Variants in FBXW7 observed in about 807,000 individuals in gnomAD.
FBXW7 encodes the protein F-box/WD repeat-containing protein 7.
In FBXW7, 11 loss-of-function variants were observed where a neutral mutation model predicts 86.3. The ratio of observed to expected loss-of-function variants is 0.13; its 90% CI spans 0.08 to 0.21. FBXW7 has a LOEUF of 0.21. Among genes scored for constraint, FBXW7 ranks in the 10% least tolerant of loss-of-function variants. The pLI is 1.00. For missense variants in FBXW7, 488 were observed against 847.4 expected (o/e 0.58, Z 5.27); for synonymous variants, 313 against 297.9 (o/e 1.05, Z -0.52).
rs926732396 is a variant in FBXW7 at position 152,509,269 on chromosome 4, A to C, written c.-120+25672T>G. 2.6e-5 allele frequency among the ~76,000 whole-genome samples: 4 copies of C among 152,158 alleles called. No individual in the cohort carries two copies. The East Asian group carries it at 7.7e-4, about 29-fold the overall frequency. On this transcript the variant is annotated intron_variant, in intron 2 of 13. Transcript: ENST00000281708. ...TGAATGTTAATCTCCTGATTTTGAT[A>C]ATTTTTCTGTCACTGCATAAGATGT... is the stretch of plus-strand genomic sequence containing the variant.
chr4:152,452,012 T>C (rs1452318425), intron 2 of FBXW7, among the ~76,000 whole-genome samples: 1 of 152,142 alleles, frequency 6.6e-6, no homozygotes, highest in Non-Finnish European at 1.5e-5. Context: ...TTTTTTACTC[T>C]GTCTCTTGAG....
chr4:152,514,227 A>C (rs1748250747), intron 2 of FBXW7, among the ~76,000 whole-genome samples: 1 of 152,106 alleles, frequency 6.6e-6, no homozygotes, highest in African/African-American at 2.4e-5. Context: ...CTTTTTAAGG[A>C]CTTCATTTGA....
intron 4 of FBXW7, among the ~76,000 whole-genome samples, chr4:152,373,826 G>A (rs1477947490): frequency 6.6e-6 from 1 of 152,020 alleles, no homozygotes; most frequent in Non-Finnish European, 1.5e-5. Context: ...GCATGGGCAT[G>A]GGGGATCATC....
At chr4:152,479,475 G>A (rs1231075590) in intron 2 of FBXW7, among the ~76,000 whole-genome samples, 2 of 151,936 alleles carry the variant, frequency 1.3e-5, no homozygotes, top group South Asian at 2.1e-4. Flanking sequence ...ATAGTCTCTC[G>A]CACACACACA....
intron 2 of FBXW7, among the ~76,000 whole-genome samples, chr4:152,529,242 A>G (rs751331737): frequency 6.6e-6 from 1 of 152,186 alleles, no homozygotes; most frequent in Non-Finnish European, 1.5e-5. Context: ...GACAAAAATT[A>G]AAAGATTTTT....
intron 2 of FBXW7, chr4:152,530,399 T>C (rs1056029137): frequency 1.3e-5 from 2 of 152,184 alleles, no homozygotes; most frequent in African/African-American, 4.8e-5. Flanking sequence ...TTTACATTTA[T>C]TTTCAGAAGG....
intron 2 of FBXW7, among the ~76,000 whole-genome samples, chr4:152,443,977 C>G (rs1367222591): frequency 6.6e-6 from 1 of 152,124 alleles, no homozygotes; most frequent in Non-Finnish European, 1.5e-5. Context: ...GAGATAATCA[C>G]TTTATAAATT....
chr4:152,375,719 G>A (rs984711216), intron 4 of FBXW7, among the ~76,000 whole-genome samples: 3 of 151,988 alleles, frequency 2.0e-5, no homozygotes, highest in Non-Finnish European at 4.4e-5. Flanking sequence ...TTTGCCATAA[G>A]AATAAATGTG....
intron 6 of FBXW7, 130 bp downstream of exon 6, chr4:152,346,800 G>T: frequency 1.6e-6 from 2 of 1,250,782 alleles, no homozygotes; most frequent in Non-Finnish European, 2.2e-6. Context: ...CTTTCACTTG[G>T]CAGAATGATT....
At chr4:152,409,624 T>C (rs1042174459) in intron 4 of FBXW7, among the ~76,000 whole-genome samples, 14 of 152,178 alleles carry the variant, frequency 9.2e-5, no homozygotes, top group Non-Finnish European at 1.8e-4. Flanking sequence ...GGCAATCAAA[T>C]AGCTTTGTAT....
At chr4:152,497,248 G>A (rs553679527) in intron 2 of FBXW7, among the ~76,000 whole-genome samples, 4 of 150,006 alleles carry the variant, frequency 2.7e-5, no homozygotes, top group Non-Finnish European at 4.4e-5. Context: ...ACTTGAACCC[G>A]GGAGGCAGAA....
At chr4:152,349,238 T>C (rs1361984196) in intron 5 of FBXW7, among the ~76,000 whole-genome samples, 1 of 151,942 alleles carries the variant, frequency 6.6e-6, no homozygotes, top group African/African-American at 2.4e-5. Context: ...CATGAAGTTC[T>C]TATGGTTTCT....
chr4:152,458,192 G>A (rs1742617543), intron 2 of FBXW7, among the ~76,000 whole-genome samples: 1 of 151,934 alleles, frequency 6.6e-6, no homozygotes, highest in Non-Finnish European at 1.5e-5. Context: ...GCTAATTTTT[G>A]TATTTTTAGT....
intron 2 of FBXW7, among the ~76,000 whole-genome samples, chr4:152,531,861 T>A: frequency 6.6e-6 from 1 of 151,178 alleles, no homozygotes; most frequent in Non-Finnish European, 1.5e-5. Flanking sequence ...GGGACCTATA[T>A]ACCCTATTTA....
intron 4 of FBXW7, among the ~76,000 whole-genome samples, chr4:152,387,570 T>C (rs1735630906): frequency 7.3e-6 from 1 of 136,386 alleles, no homozygotes; most frequent in South Asian, 2.3e-4. Flanking sequence ...ACCCTCTGCT[T>C]AATGATAAAT....
At position 152,329,730 on chromosome 4, in the gene FBXW7, C is replaced by T. The variant is rs1390822119; in HGVS notation, c.1178G>A (p.Arg393Gln). The T allele has an allele frequency of 1.9e-6, 3 of 1,590,922 alleles. No individual in the cohort carries two copies. Among genetic ancestry groups the T allele is most frequent in the Non-Finnish European group, 2.6e-6 (3 of 1,170,276 alleles). The change falls in exon 10 of 14, where the codon CGA becomes CAA. Residue 393 changes from arginine to glutamine, a missense_variant. Coordinates refer to ENST00000281708, the MANE Select transcript of FBXW7 (RefSeq NM_001349798.2). ...GTTGTCATCAGAACCACTAACTATT[C>T]GGTTACCACAAAACTGTAAGCATGT... ...VITCLQFCGN[R>Q]IVSGSDDNTL... is the part of the protein sequence containing the mutation.
intron 2 of FBXW7, among the ~76,000 whole-genome samples, chr4:152,489,005 T>C (rs1745600559): frequency 6.6e-6 from 1 of 152,064 alleles, no homozygotes; most frequent in Admixed American, 6.6e-5. Context: ...GTATAAAGAA[T>C]ATAATTAACA....
At chr4:152,501,652 A>T (rs2149701017) in intron 2 of FBXW7, among the ~76,000 whole-genome samples, 1 of 152,322 alleles carries the variant, frequency 6.6e-6, no homozygotes, top group South Asian at 2.1e-4. Flanking sequence ...ATCCATGTCA[A>T]CTGAAATTGA....
rs17028960 is a variant in FBXW7, at chr4:152,519,655, G to A, written c.-120+15286C>T. 7.0e-3 allele frequency among the ~76,000 whole-genome samples: 1,071 copies of A among 152,252 alleles called. 7 individuals are homozygous for A. Among genetic ancestry groups the A allele is most frequent in the African/African-American group, 0.025 (1,032 of 41,540 alleles). ...GTTAATGCAAATCAATTCAAATGACGGACTTCAATTTCACAATTATTTTGT... is the reference window on the plus strand; with the variant it reads ...GTTAATGCAAATCAATTCAAATGACAGACTTCAATTTCACAATTATTTTGT... On this transcript the variant is annotated intron_variant, in intron 2 of 13. Coordinates refer to ENST00000281708, the MANE Select transcript of FBXW7 (RefSeq NM_001349798.2).
Sources: allele counts gnomAD v4.1 joint callset (sites outside exome capture counted in the v4.1 genomes callset), GRCh38; gene constraint gnomAD v4.1.1; transcripts MANE v1.5; gene names NCBI Gene and HGNC (gene_info 2026-07-23, HGNC 2026-07-21).